The following LCOR variants were observed in gnomAD, a reference collection of about 807,000 sequenced individuals.
The protein encoded by LCOR is ligand dependent nuclear receptor corepressor, also known as ligand-dependent corepressor.
A neutral mutation model predicts 64.4 loss-of-function variants in LCOR; 14 were observed. The observed-to-expected ratio is 0.22, with a 90% confidence interval of 0.14 to 0.34. The LOEUF (loss-of-function observed/expected upper bound fraction) is 0.34. Among genes scored for constraint, LCOR ranks in the 10% least tolerant of loss-of-function variants. The pLI is 1.00. For missense variants in LCOR, 1,686 were observed against 1,765.3 expected (o/e 0.96, Z 0.80); for synonymous variants, 643 against 642.5 (o/e 1.00, Z -0.01).
At chr10:96,836,592 G>T (rs1467583512) in intron 2 of LCOR, among the ~76,000 whole-genome samples, 1 of 152,292 alleles carries the variant, frequency 6.6e-6, no homozygotes, top group African/African-American at 2.4e-5. Context: ...ATCAGTTATT[G>T]TACAAGGCAT....
intron 7 of LCOR, chr10:96,960,687 T>A: frequency 6.6e-6 from 1 of 152,176 alleles, no homozygotes; most frequent in Admixed American, 6.5e-5. Flanking sequence ...TTGGTCAGGC[T>A]AGCATTACTA....
At chr10:96,898,935 G>C (rs1846587481) in intron 2 of LCOR, among the ~76,000 whole-genome samples, 1 of 152,160 alleles carries the variant, frequency 6.6e-6, no homozygotes, top group East Asian at 1.9e-4. Flanking sequence ...ATGGAAAAGA[G>C]AGAACAGATT....
intron 2 of LCOR, among the ~76,000 whole-genome samples, chr10:96,894,858 C>G (rs541891441): frequency 4.6e-5 from 7 of 152,138 alleles, no homozygotes; most frequent in African/African-American, 1.7e-4. Context: ...GTCTTTATTT[C>G]AATAACAGTG....
At chr10:96,912,220 T>C (rs1283385198) in intron 4 of LCOR, among the ~76,000 whole-genome samples, 1 of 152,178 alleles carries the variant, frequency 6.6e-6, no homozygotes, top group Non-Finnish European at 1.5e-5. Flanking sequence ...TGTGAGCCAC[T>C]GCACCCGGCC....
intron 2 of LCOR, among the ~76,000 whole-genome samples, chr10:96,864,372 C>A (rs952993712): frequency 6.6e-6 from 1 of 152,032 alleles, no homozygotes; most frequent in African/African-American, 2.4e-5. Context: ...AAGGAAAAAT[C>A]CTTATTTGCT....
intron 7 of LCOR, chr10:96,956,028 C>T (rs1000072896): frequency 6.7e-7 from 1 of 1,490,118 alleles, no homozygotes; most frequent in Non-Finnish European, 8.9e-7. Context: ...ACACTTGCTT[C>T]TTTGCAGATT....
intron 4 of LCOR, among the ~76,000 whole-genome samples, chr10:96,933,218 T>G (rs1173692414): frequency 6.6e-6 from 1 of 152,226 alleles, no homozygotes; most frequent in African/African-American, 2.4e-5. Flanking sequence ...TAGCTAAGAT[T>G]GTTGAGAATA....
chr10:96,870,124 G>A (rs1369229132), intron 2 of LCOR, among the ~76,000 whole-genome samples: 1 of 151,876 alleles, frequency 6.6e-6, no homozygotes, highest in Admixed American at 6.6e-5. Flanking sequence ...GCACGTTCTC[G>A]GCTCACTGCA....
chr10:96,985,108 A>C lies in LCOR; in HGVS notation c.4648A>C (p.Lys1550Gln). 6.2e-7 allele frequency: 1 copy of C among 1,601,396 alleles called. No homozygotes were observed. Among genetic ancestry groups the C allele is most frequent in the Non-Finnish European group, 8.5e-7 (1 of 1,175,980 alleles). ...LKAKLDCSHS[K>Q]RRRLDAK Reference sequence around the variant, plus strand: ...GGCAAAGCTGGACTGTTCGCACAGCAAACGGAGGCGGCTGGATGCAAAGTG... The same window carrying C: ...GGCAAAGCTGGACTGTTCGCACAGCCAACGGAGGCGGCTGGATGCAAAGTG... Residue 1550 changes from lysine (K) to glutamine (Q), a missense_variant, in exon 8 of 8, where the codon AAA becomes CAA. Physicochemically the swap from Lys to Gln is moderately conservative, Grantham distance 53 (BLOSUM62 1). This residue lies in a region of LCOR where 1,293 missense variants were observed against 1,410.4 expected (regional missense o/e 0.92). Transcript: ENST00000421806.
chr10:96,870,919 A>G (rs774711247), intron 2 of LCOR, among the ~76,000 whole-genome samples: 17 of 152,250 alleles, frequency 1.1e-4, no homozygotes, highest in Non-Finnish European at 2.4e-4. Context: ...GATAAATTCT[A>G]GGACGGAAGA....
chr10:96,985,889 A>G lies in LCOR; in HGVS notation c.*755A>G, dbSNP rs117352563. 128 of 167,142 alleles carry G rather than the reference A, an allele frequency of 7.7e-4. No homozygotes were observed. Among genetic ancestry groups the G allele is most frequent in the Non-Finnish European group, 1.1e-3 (77 of 68,094 alleles). The allele number at this position is 167,142 out of a possible 1,614,324, so 10.4% of individuals were successfully genotyped here. A position where few individuals can be genotyped will look rare whatever the true frequency, so the allele number is the denominator to read the frequency against. On this transcript the variant is annotated 3_prime_UTR_variant, in exon 8 of 8. Transcript: ENST00000421806. ...AAAATCATTTGCATCCCCAAACTGT[A>G]TTACTAATTCTCACCATCTTCTTCA...
chr10:96,968,311 T>C (rs564004766), intron 7 of LCOR, among the ~76,000 whole-genome samples: 2 of 152,290 alleles, frequency 1.3e-5, no homozygotes, highest in Admixed American at 1.3e-4. Flanking sequence ...ATCTTACTTA[T>C]CTCCGTACCA....
intron 2 of LCOR, among the ~76,000 whole-genome samples, chr10:96,866,008 A>G (rs913143135): frequency 2.6e-5 from 4 of 152,178 alleles, no homozygotes; most frequent in Admixed American, 6.6e-5. Context: ...GTTTGCCTGC[A>G]TCTGGAGTTC....
intron 2 of LCOR, among the ~76,000 whole-genome samples, chr10:96,898,708 G>C (rs915231058): frequency 1.3e-5 from 2 of 152,242 alleles, no homozygotes; most frequent in East Asian, 3.9e-4. Context: ...TGATTTTCAG[G>C]GTTGTTTGTT....
chr10:96,882,308 A>T (rs1846276869), intron 2 of LCOR, among the ~76,000 whole-genome samples: 1 of 152,234 alleles, frequency 6.6e-6, no homozygotes, highest in Non-Finnish European at 1.5e-5. Context: ...ATGTCACGAA[A>T]ATCCAGCCTG....
intron 4 of LCOR, among the ~76,000 whole-genome samples, chr10:96,922,986 T>C (rs949184228): frequency 6.6e-6 from 1 of 152,250 alleles, no homozygotes; most frequent in Non-Finnish European, 1.5e-5. Context: ...CGTTGACATA[T>C]GGCAAAGATT....
intron 2 of LCOR, among the ~76,000 whole-genome samples, chr10:96,853,990 C>T (rs1845762771): frequency 6.6e-6 from 1 of 152,164 alleles, no homozygotes; most frequent in Non-Finnish European, 1.5e-5. Context: ...TCGATTACCT[C>T]TATCTGGTCC....
At chr10:96,960,781 A>G (rs1847866548) in intron 7 of LCOR, 1 of 152,182 alleles carries the variant, frequency 6.6e-6, no homozygotes, top group South Asian at 2.1e-4. Context: ...ATTGCTTTCA[A>G]AATCTGAAAA....
At chr10:96,872,052 A>G (rs945501658) in intron 2 of LCOR, among the ~76,000 whole-genome samples, 3 of 152,250 alleles carry the variant, frequency 2.0e-5, no homozygotes, top group South Asian at 4.1e-4. Flanking sequence ...TCTTCTGACC[A>G]GAAACACCTG....
Sources: allele counts gnomAD v4.1 joint callset (sites outside exome capture counted in the v4.1 genomes callset), GRCh38; gene constraint gnomAD v4.1.1; regional missense constraint gnomAD v4.1.1; transcripts MANE v1.5; gene names NCBI Gene and HGNC (gene_info 2026-07-23, HGNC 2026-07-21).